Variants in TBCD observed in about 807,000 individuals in gnomAD.
TBCD encodes the protein tubulin-specific chaperone D.
Under a neutral mutation model 169.3 loss-of-function variants are expected in TBCD, and 105 were observed. The observed-to-expected ratio is 0.62, with a 90% confidence interval of 0.53 to 0.73. The LOEUF is 0.73. Ranked by LOEUF, TBCD falls within the 30% of genes least tolerant of loss-of-function variation. The probability of loss-of-function intolerance (pLI) is 0.00; values close to 1 mark genes in which losing one functional copy is unlikely to be tolerated. For missense variants in TBCD, 1,444 were observed against 1,600.1 expected (o/e 0.90, Z 1.66); for synonymous variants, 700 against 643.9 (o/e 1.09, Z -1.32).
At chr17:82,893,514 C>A (rs1224183169) in intron 16 of TBCD, 33 bp from the exon 17 acceptor site, 6 of 1,506,158 alleles carry the variant, frequency 4.0e-6, no homozygotes, top group African/African-American at 1.4e-5. Flanking sequence ...CATTCAAATT[C>A]TTCTTTTTCC....
At chr17:82,804,813 G>A (rs1361798091) in intron 9 of TBCD, among the ~76,000 whole-genome samples, 1 of 152,222 alleles carries the variant, frequency 6.6e-6, no homozygotes, top group Non-Finnish European at 1.5e-5. Flanking sequence ...GCTAGGCGGT[G>A]GGGGTCGTGG....
chr17:82,855,993 C>CCT (rs373747821), intron 13 of TBCD, among the ~76,000 whole-genome samples: 2 of 66,268 alleles, frequency 3.0e-5, no homozygotes, highest in African/African-American at 1.4e-4. Flanking sequence ...TCCCCCCCCA[C>CCT]TTTTTTTTTT....
intron 14 of TBCD, among the ~76,000 whole-genome samples, chr17:82,875,045 A>G (rs1388968119): frequency 6.6e-6 from 1 of 152,188 alleles, no homozygotes; most frequent in Admixed American, 6.5e-5. Flanking sequence ...TCTGAGAGTC[A>G]GTTCGGGGGT....
chr17:82,830,330 C>G, intron 13 of TBCD: 2 of 1,614,022 alleles, frequency 1.2e-6, no homozygotes, highest in Non-Finnish European at 1.7e-6. Flanking sequence ...TGCCGGCAGG[C>G]AGGTTCCGGG....
intron 2 of TBCD, among the ~76,000 whole-genome samples, chr17:82,761,759 A>G (rs529975107): frequency 6.7e-6 from 1 of 149,808 alleles, no homozygotes; most frequent in East Asian, 2.0e-4. Flanking sequence ...TCTGTTGCCC[A>G]GGCTGGAGTG....
chr17:82,822,986 G>A (rs77240323), intron 13 of TBCD, among the ~76,000 whole-genome samples: 1 of 152,332 alleles, frequency 6.6e-6, no homozygotes, highest in East Asian at 1.9e-4. Flanking sequence ...ATGGAAACCC[G>A]CAGAGGCTCC....
At chr17:82,819,006 C>T (rs568733884) in intron 13 of TBCD, among the ~76,000 whole-genome samples, 1 of 152,098 alleles carries the variant, frequency 6.6e-6, no homozygotes, top group African/African-American at 2.4e-5. Context: ...TGCAGTGAAC[C>T]GAGATCGCAC....
intron 15 of TBCD, among the ~76,000 whole-genome samples, chr17:82,887,166 TGTGC>T (rs1555632326): frequency 9.2e-6 from 1 of 109,042 alleles, no homozygotes; most frequent in African/African-American, 3.5e-5. Flanking sequence ...TGTGTGTGTG[TGTGC>T]GCGCGCGCGC....
intron 13 of TBCD, among the ~76,000 whole-genome samples, chr17:82,842,249 C>G (rs1285622028): frequency 6.6e-6 from 1 of 152,180 alleles, no homozygotes; most frequent in Non-Finnish European, 1.5e-5. Flanking sequence ...CACCCTCTAC[C>G]CTGCTCCTGA....
At chr17:82,921,222 G>T (rs754165887) in intron 24 of TBCD, 28 of 518,134 alleles carry the variant, frequency 5.4e-5, no homozygotes, top group Non-Finnish European at 1.7e-5. Context: ...AAGATTTAGG[G>T]GTAACAAAAG....
At chr17:82,896,711 G>A (rs148718209) in intron 17 of TBCD, among the ~76,000 whole-genome samples, 7 of 152,248 alleles carry the variant, frequency 4.6e-5, no homozygotes, top group Non-Finnish European at 1.0e-4. Context: ...TGATCCACCT[G>A]CCTTGGCCTC....
intron 15 of TBCD, among the ~76,000 whole-genome samples, chr17:82,887,176 CGCGCACGT>C (rs1219389957): frequency 2.7e-4 from 18 of 67,570 alleles, no homozygotes; most frequent in African/African-American, 9.3e-4. Flanking sequence ...TGTGCGCGCG[CGCGCACGT>C]GCGCTCACGC....
intron 34 of TBCD, 76 bp downstream of exon 34, chr17:82,932,811 C>A: frequency 7.0e-7 from 1 of 1,432,458 alleles, no homozygotes; most frequent in South Asian, 1.2e-5. Context: ...AGTCATCAGA[C>A]ACAGAGATCA....
chr17:82,871,761 G>A (rs900357267), intron 14 of TBCD, among the ~76,000 whole-genome samples: 4 of 152,226 alleles, frequency 2.6e-5, no homozygotes, highest in East Asian at 3.8e-4. Flanking sequence ...GGGCCTCCCC[G>A]GCATGTGGCG....
Position 82,915,464 on chromosome 17 carries a change from A to G in TBCD, c.2038+3675A>G, listed in dbSNP as rs1219871984. 1.3e-5 allele frequency among the ~76,000 whole-genome samples: 2 copies of G among 152,150 alleles called. No homozygotes were observed. The highest frequency in any genetic ancestry group is 2.9e-5 in the Non-Finnish European group (2 of 68,020). The stretch of plus-strand genomic sequence containing the variant: ...GAACTGAGCTGCTTCCCCCGGTGCC[A>G]GGAAGATGAGCGTCCCCTTGTCTCC... On this transcript the variant is annotated intron_variant, in intron 23 of 38. Transcript: ENST00000355528. This position sits in a 1 kb window ranked among gnomAD's most constrained non-coding sequence, Gnocchi z 4.3.
intron 13 of TBCD, among the ~76,000 whole-genome samples, chr17:82,869,722 C>T (rs759275175): frequency 6.6e-6 from 1 of 152,176 alleles, no homozygotes; most frequent in Non-Finnish European, 1.5e-5. Context: ...CCTGGTTCAC[C>T]CCAGACCTGC....
intron 6 of TBCD, among the ~76,000 whole-genome samples, chr17:82,779,638 G>C (rs2048816080): frequency 6.6e-6 from 1 of 152,212 alleles, no homozygotes; most frequent in South Asian, 2.1e-4. Flanking sequence ...TCTCCTGTGT[G>C]TTAAGTGCCC....
At chr17:82,842,368 G>C (rs1376883710) in intron 13 of TBCD, among the ~76,000 whole-genome samples, 1 of 152,186 alleles carries the variant, frequency 6.6e-6, no homozygotes, top group Non-Finnish European at 1.5e-5. Flanking sequence ...TGATCTGTTG[G>C]TGGTTCTGTG....
At chr17:82,834,603 C>T (rs900986824) in intron 13 of TBCD, among the ~76,000 whole-genome samples, 1 of 151,612 alleles carries the variant, frequency 6.6e-6, no homozygotes, top group African/African-American at 2.4e-5. Flanking sequence ...GCATCCTCAG[C>T]AAACTAACGC....
Sources: gnomAD v4.1 joint callset for allele counts (sites outside exome capture counted in the v4.1 genomes callset) on GRCh38, gnomAD v4.1.1 for gene constraint, Gnocchi (gnomAD v3.1) non-coding constraint, MANE v1.5 for transcripts, NCBI Gene and HGNC (gene_info 2026-07-23, HGNC 2026-07-21) for gene names.